MAP4K3: variants seen among roughly 807,000 people sequenced by gnomAD.
MAP4K3 encodes MAPK/ERK kinase kinase kinase 3.
Under a neutral mutation model 143.5 loss-of-function variants are expected in MAP4K3, and 94 were observed. That is an observed-to-expected ratio of 0.65 (90% CI 0.55 to 0.78). The LOEUF is 0.78. Among genes scored for constraint, MAP4K3 ranks in the 30% least tolerant of loss-of-function variants. The pLI, the probability that MAP4K3 is intolerant of heterozygous loss-of-function variation, is 0.00. For missense variants in MAP4K3, 1,077 were observed against 1,068.1 expected (o/e 1.01, Z -0.12); for synonymous variants, 416 against 347.2 (o/e 1.20, Z -2.20).
At chr2:39,257,823 A>G (rs1220465011) in intron 31 of MAP4K3, among the ~76,000 whole-genome samples, 1 of 149,868 alleles carries the variant, frequency 6.7e-6, no homozygotes, top group Admixed American at 6.6e-5. Flanking sequence ...AAGAAATGAT[A>G]TTACTTCTTA....
intron 3 of MAP4K3, among the ~76,000 whole-genome samples, chr2:39,350,931 G>C (rs1573185289): frequency 6.6e-6 from 1 of 152,130 alleles, no homozygotes; most frequent in South Asian, 2.1e-4. Context: ...CACCTAACCG[G>C]AGACTGAAAA....
At position 39,319,003 on chromosome 2, in the gene MAP4K3, G is replaced by C. The variant is rs1358244506; in HGVS notation, c.919-3615C>G. Among the ~76,000 whole-genome samples the C allele has an allele frequency of 1.4e-4, 21 of 151,976 alleles. 1 individual carries two copies. Among genetic ancestry groups the C allele is most frequent in the Non-Finnish European group, 2.4e-4 (16 of 67,994 alleles). On this transcript the variant is annotated intron_variant, in intron 12 of 33. Transcript: ENST00000263881. Reference sequence around the variant, plus strand: ...GACATTTTTTTGTTGTCACAACTTGGGATTAAAGGGTGTTAACTGGCAACT... The same window carrying C: ...GACATTTTTTTGTTGTCACAACTTGCGATTAAAGGGTGTTAACTGGCAACT...
chr2:39,305,477 T>G (rs1682668624), intron 15 of MAP4K3, among the ~76,000 whole-genome samples: 1 of 152,208 alleles, frequency 6.6e-6, no homozygotes, highest in Non-Finnish European at 1.5e-5. Context: ...ACAAGAATAA[T>G]AAGTTAATAT....
At chr2:39,373,119 A>T (rs1386618187) in intron 2 of MAP4K3, among the ~76,000 whole-genome samples, 1 of 152,236 alleles carries the variant, frequency 6.6e-6, no homozygotes, top group Non-Finnish European at 1.5e-5. Context: ...TCAATTTAAA[A>T]ATGGGCAAAA....
rs190298458 is a variant in MAP4K3 at position 39,322,631 on chromosome 2, T to C, written c.918+2887A>G. 9.9e-5 allele frequency among the ~76,000 whole-genome samples: 15 copies of C among 151,346 alleles called. No individual in the cohort carries two copies. The East Asian group carries it at 2.7e-3, about 27-fold the overall frequency. ...GTGTGTGTGTGTATATATGTATATA[T>C]AGATAAATACACATATATATATATT... On this transcript the variant is annotated intron_variant, in intron 12 of 33. Transcript: ENST00000263881.
chr2:39,347,113 TGGA>T (rs1023413509), intron 3 of MAP4K3, among the ~76,000 whole-genome samples: 1 of 152,134 alleles, frequency 6.6e-6, no homozygotes, highest in African/African-American at 2.4e-5. Context: ...GAGAGTACAA[TGGA>T]GTTTTCCAGA....
At chr2:39,298,657 C>A (rs78167394) in intron 16 of MAP4K3, among the ~76,000 whole-genome samples, 7,283 of 152,094 alleles carry the variant, frequency 0.048, 295 homozygotes, top group African/African-American at 0.11. Context: ...CTCTCTAATG[C>A]AACTGAAATA....
chr2:39,320,543 G>A (rs1477923777), intron 12 of MAP4K3, among the ~76,000 whole-genome samples: 5 of 151,748 alleles, frequency 3.3e-5, no homozygotes, highest in Non-Finnish European at 5.9e-5. Flanking sequence ...TTTCTTGGAG[G>A]AGCAGTCCTC....
chr2:39,413,279 CTA>C lies in MAP4K3; in HGVS notation c.96+23611_96+23612del, dbSNP rs374952750. Among the ~76,000 whole-genome samples, 147 of 152,230 alleles carry C rather than the reference CTA, an allele frequency of 9.7e-4. 1 individual carries two copies. Among genetic ancestry groups the C allele is most frequent in the African/African-American group, 3.5e-3 (145 of 41,546 alleles). ...AGGATTTAAGCAAGAGATGAGAAAA[CTA>C]TAGTCCTAAGTGGTTAAGGAACTGA... On this transcript the variant is annotated intron_variant, in intron 1 of 33. Coordinates refer to ENST00000263881, the MANE Select transcript of MAP4K3 (RefSeq NM_003618.4).
chr2:39,300,728 G>A (rs758737800), intron 15 of MAP4K3, among the ~76,000 whole-genome samples: 3 of 152,136 alleles, frequency 2.0e-5, no homozygotes, highest in Non-Finnish European at 4.4e-5. Context: ...AGCCACCTTG[G>A]AGCAGCCGCC....
intron 26 of MAP4K3, among the ~76,000 whole-genome samples, chr2:39,268,976 G>C (rs1680896249): frequency 6.6e-6 from 1 of 151,992 alleles, no homozygotes; most frequent in Non-Finnish European, 1.5e-5. Context: ...GCCCAGGCTG[G>C]TCTCAAATTC....
chr2:39,293,301 T>A, intron 16 of MAP4K3, 33 bp from the exon 17 acceptor site: 2 of 1,274,500 alleles, frequency 1.6e-6, no homozygotes, highest in Non-Finnish European at 1.1e-6. Context: ...AAAAATAATG[T>A]GAATAAATTA....
chr2:39,320,473 A>G (rs1683263872), intron 12 of MAP4K3, among the ~76,000 whole-genome samples: 1 of 152,128 alleles, frequency 6.6e-6, no homozygotes, highest in Non-Finnish European at 1.5e-5. Context: ...AAATGGGTTA[A>G]TGATTTATGG....
At chr2:39,399,257 CAAG>C (rs1158137124) in intron 1 of MAP4K3, among the ~76,000 whole-genome samples, 1 of 152,104 alleles carries the variant, frequency 6.6e-6, no homozygotes, top group Non-Finnish European at 1.5e-5. Flanking sequence ...AAGAAGCCTG[CAAG>C]AAGAGTACCA....
chr2:39,388,735 T>G lies in MAP4K3; in HGVS notation c.97-10612A>C, dbSNP rs112386454. The stretch of plus-strand genomic sequence containing the variant: ...AGTCTGTCCCCAGTAGAGCATAGGG[T>G]TAAAATTTACACTGATTTTGAGGGC... On this transcript the variant is annotated intron_variant, in intron 1 of 33. Transcript: ENST00000263881. Among the ~76,000 whole-genome samples, 198 of 152,314 alleles carry G rather than the reference T, an allele frequency of 1.3e-3. 3 individuals carry two copies. The highest frequency in any genetic ancestry group is 4.6e-3 in the African/African-American group (192 of 41,558).
chr2:39,355,302 G>A (rs1013356428), intron 3 of MAP4K3, among the ~76,000 whole-genome samples: 2 of 148,974 alleles, frequency 1.3e-5, no homozygotes, highest in Non-Finnish European at 1.5e-5. Context: ...TGGAAGGTGC[G>A]GTGAGCCGAG....
chr2:39,416,011 A>ATATATATATATATATAT (rs1667370062), intron 1 of MAP4K3, among the ~76,000 whole-genome samples: 2 of 119,416 alleles, frequency 1.7e-5, no homozygotes, highest in African/African-American at 3.3e-5. Flanking sequence ...ATATAAAAAT[A>ATATATATATATATATAT]ACATTTGGAA....
intron 8 of MAP4K3, among the ~76,000 whole-genome samples, chr2:39,326,488 C>G (rs1446416284): frequency 6.6e-6 from 1 of 152,142 alleles, no homozygotes. Context: ...TTTGATTATA[C>G]AGGCTTATAG....
At chr2:39,349,043 C>T (rs1665375896) in intron 3 of MAP4K3, among the ~76,000 whole-genome samples, 1 of 152,212 alleles carries the variant, frequency 6.6e-6, no homozygotes, top group Non-Finnish European at 1.5e-5. Flanking sequence ...CATACGGAGT[C>T]TTCCTCCCTG....
Sources: allele counts gnomAD v4.1 joint callset (sites outside exome capture counted in the v4.1 genomes callset), GRCh38; gene constraint gnomAD v4.1.1; transcripts MANE v1.5; gene names NCBI Gene and HGNC (gene_info 2026-07-23, HGNC 2026-07-21).